Variants in ARHGAP24 observed in about 807,000 individuals in gnomAD.
ARHGAP24 encodes rho GTPase-activating protein 24.
ARHGAP24 carries 50 observed loss-of-function variants against 76.4 expected under a neutral mutation model. The ratio of observed to expected loss-of-function variants is 0.65; its 90% CI spans 0.52 to 0.83. The LOEUF (loss-of-function observed/expected upper bound fraction) is 0.83. ARHGAP24 is among the 40% of genes least tolerant of loss of function. ARHGAP24 has a pLI of 0.00. For synonymous variants in ARHGAP24, 345 were observed against 323.3 expected (o/e 1.07, Z -0.72); for missense variants, 930 against 914.2 (o/e 1.02, Z -0.22).
intron 1 of ARHGAP24, among the ~76,000 whole-genome samples, chr4:85,551,580 C>T (rs1380970218): frequency 1.3e-5 from 2 of 152,072 alleles, no homozygotes; most frequent in Non-Finnish European, 2.9e-5. Flanking sequence ...TCCTTCTCCT[C>T]AAATTTTTGG....
chr4:85,770,228 T>C (rs1727083719), intron 3 of ARHGAP24, among the ~76,000 whole-genome samples: 1 of 152,208 alleles, frequency 6.6e-6, no homozygotes, highest in Non-Finnish European at 1.5e-5. Context: ...AAAATGACAG[T>C]GTAGGGGAAT....
At chr4:85,895,361 T>C (rs1391202336) in intron 3 of ARHGAP24, among the ~76,000 whole-genome samples, 1 of 152,022 alleles carries the variant, frequency 6.6e-6, no homozygotes, top group Non-Finnish European at 1.5e-5. Context: ...TCTATGGAAA[T>C]TTATCTACAC....
At chr4:85,894,960 C>CAAAAAAAAAAA (rs540459367) in intron 3 of ARHGAP24, among the ~76,000 whole-genome samples, 6 of 35,354 alleles carry the variant, frequency 1.7e-4, no homozygotes, top group Admixed American at 3.9e-4. Flanking sequence ...GACTCCCTCT[C>CAAAAAAAAAAA]AAAAAAAAAA....
At chr4:85,828,529 A>T (rs2601846) in intron 3 of ARHGAP24, among the ~76,000 whole-genome samples, 34,890 of 131,572 alleles carry the variant, frequency 0.27, 4,772 homozygotes, top group Non-Finnish European at 0.39. Flanking sequence ...TTTTTTTTTT[A>T]AAAAAAGCCA....
At chr4:85,665,582 G>A (rs543655779) in intron 2 of ARHGAP24, among the ~76,000 whole-genome samples, 61 of 152,216 alleles carry the variant, frequency 4.0e-4, no homozygotes, top group African/African-American at 1.3e-3. Flanking sequence ...TATTTTGCTC[G>A]TTAGTTGATG....
chr4:85,688,797 T>G (rs916795601), intron 2 of ARHGAP24, among the ~76,000 whole-genome samples: 25 of 152,158 alleles, frequency 1.6e-4, no homozygotes, highest in African/African-American at 5.6e-4. Flanking sequence ...TACATATGGT[T>G]AGTCAGTTGC....
chr4:85,961,893 G>A (rs772391297), intron 5 of ARHGAP24, among the ~76,000 whole-genome samples: 17 of 152,014 alleles, frequency 1.1e-4, no homozygotes, highest in African/African-American at 3.9e-4. Flanking sequence ...AAGTCTCTCC[G>A]ATTATGAGAA....
chr4:85,509,394 A>G (rs1442020110), intron 1 of ARHGAP24, among the ~76,000 whole-genome samples: 2 of 152,126 alleles, frequency 1.3e-5, no homozygotes, highest in Non-Finnish European at 2.9e-5. Flanking sequence ...CTTAACTGGA[A>G]ATGTCTTAAG....
At chr4:85,898,169 CCTT>C (rs1256720342) in intron 3 of ARHGAP24, among the ~76,000 whole-genome samples, 1 of 150,672 alleles carries the variant, frequency 6.6e-6, no homozygotes, top group Non-Finnish European at 1.5e-5. Context: ...CTTTGGAATG[CCTT>C]CTTATTAACT....
chr4:85,678,176 C>G (rs1173792992), intron 2 of ARHGAP24, among the ~76,000 whole-genome samples: 1 of 152,166 alleles, frequency 6.6e-6, no homozygotes, highest in Non-Finnish European at 1.5e-5. Flanking sequence ...CAGGACTACT[C>G]TGGGCACCAT....
At chr4:85,841,156 C>A (rs1319505013) in intron 3 of ARHGAP24, among the ~76,000 whole-genome samples, 4 of 152,160 alleles carry the variant, frequency 2.6e-5, no homozygotes, top group African/African-American at 9.7e-5. Flanking sequence ...TTCAGAATCT[C>A]TTTTTATATT....
chr4:85,971,186 A>G (rs1029805530), intron 5 of ARHGAP24, among the ~76,000 whole-genome samples: 12 of 152,226 alleles, frequency 7.9e-5, no homozygotes, highest in African/African-American at 2.9e-4. Flanking sequence ...AAAAATTTAT[A>G]GCATGTCACG....
At chr4:85,827,010 CTT>C (rs1165686487) in intron 3 of ARHGAP24, among the ~76,000 whole-genome samples, 3 of 152,120 alleles carry the variant, frequency 2.0e-5, no homozygotes, top group Non-Finnish European at 4.4e-5. Flanking sequence ...GAAATAAAAA[CTT>C]AGACTCTACA....
At chr4:85,933,152 G>A (rs1422509873) in intron 4 of ARHGAP24, among the ~76,000 whole-genome samples, 2 of 152,110 alleles carry the variant, frequency 1.3e-5, no homozygotes, top group Non-Finnish European at 2.9e-5. Flanking sequence ...TCCCAAGCCT[G>A]TCCGAGAACA....
At chr4:85,776,084 C>T (rs1204069751) in intron 3 of ARHGAP24, among the ~76,000 whole-genome samples, 1 of 151,942 alleles carries the variant, frequency 6.6e-6, no homozygotes, top group East Asian at 1.9e-4. Context: ...AAATCTGCCC[C>T]CAAGCATAGA....
intron 2 of ARHGAP24, among the ~76,000 whole-genome samples, chr4:85,689,892 A>G (rs970678607): frequency 6.6e-6 from 1 of 152,166 alleles, no homozygotes; most frequent in Non-Finnish European, 1.5e-5. Flanking sequence ...TAGGACTTAC[A>G]GTACTGTGTT....
chr4:85,679,998 T>C (rs1436079703), intron 2 of ARHGAP24, among the ~76,000 whole-genome samples: 3 of 152,200 alleles, frequency 2.0e-5, no homozygotes, highest in Admixed American at 2.0e-4. Flanking sequence ...AATTTGAAAT[T>C]TTTCCTCTCT....
At chr4:85,575,850 C>G (rs1275408732) in intron 2 of ARHGAP24, among the ~76,000 whole-genome samples, 1 of 152,112 alleles carries the variant, frequency 6.6e-6, no homozygotes, top group Non-Finnish European at 1.5e-5. Context: ...CTGACATACC[C>G]CTGTGCTAGA....
chr4:85,570,854 T>A, intron 2 of ARHGAP24, 133 bp downstream of exon 2: 7 of 1,015,170 alleles, frequency 6.9e-6, no homozygotes, highest in Non-Finnish European at 8.7e-6. Context: ...TCTTTCACCC[T>A]TTTACCCATT....
Sources: allele counts gnomAD v4.1 joint callset (sites outside exome capture counted in the v4.1 genomes callset), GRCh38; gene constraint gnomAD v4.1.1; transcripts MANE v1.5; gene names NCBI Gene and HGNC (gene_info 2026-07-23, HGNC 2026-07-21).